ACOT7: variants seen among roughly 807,000 people sequenced by gnomAD.
The protein encoded by ACOT7 is acyl-CoA thioesterase 7.
Under a neutral mutation model 40.2 loss-of-function variants are expected in ACOT7, and 12 were observed. That is an observed-to-expected ratio of 0.30 (90% CI 0.19 to 0.48). ACOT7 has a LOEUF of 0.48. ACOT7 is among the 20% of genes least tolerant of loss of function. ACOT7 has a pLI of 0.99. For synonymous variants in ACOT7, 228 were observed against 219.5 expected, an observed-to-expected ratio of 1.04 and a Z score of -0.34; for missense variants, 395 against 530.8, an observed-to-expected ratio of 0.74 and a Z score of 2.51.
At chr1:6,365,395 T>G (rs184171334) in intron 1 of ACOT7, among the ~76,000 whole-genome samples, 70 of 152,244 alleles carry the variant, frequency 4.6e-4, no homozygotes, top group African/African-American at 1.3e-3. Flanking sequence ...GGTTTCCCAG[T>G]GCACGTAAAA....
At position 6,308,821 on chromosome 1, in the gene ACOT7, G is replaced by GACTGGGCGGAGGGAAAAGCA. The variant is rs1404956794; in HGVS notation, c.712+9670_712+9671insTGCTTTTCCCTCCGCCCAGT. The stretch of plus-strand genomic sequence containing the variant: ...AAAGCGACTGGGCGGAGGGAAAAGC[G>GACTGGGCGGAGGGAAAAGCA]ACTGGGCGGAGGGAACAGCGACCGG... On this transcript the variant is annotated intron_variant, in intron 6 of 8. Transcript: ENST00000361521. Among the ~76,000 whole-genome samples, 1,221 of 137,774 alleles carry GACTGGGCGGAGGGAAAAGCA rather than the reference G, an allele frequency of 8.9e-3. 17 individuals are homozygous for GACTGGGCGGAGGGAAAAGCA. Among genetic ancestry groups the GACTGGGCGGAGGGAAAAGCA allele is most frequent in the African/African-American group, 0.033 (1,146 of 34,508 alleles). The allele number at this position is 137,774 out of a possible 152,430, so 90.4% of individuals were successfully genotyped here.
rs1028345520 is a variant in ACOT7 at position 6,369,349 on chromosome 1, C to CCAGAT, written c.144-19488_144-19484dup. On this transcript the variant is annotated intron_variant, in intron 1 of 8. Transcript: ENST00000361521. ...ATGTAAATTTTTCAATTTACATTGC[C>CCAGAT]CAGATCAGAAGAACCACTATGGCAG... Among the ~76,000 whole-genome samples, 55 of 151,892 alleles carry CCAGAT rather than the reference C, an allele frequency of 3.6e-4. 1 individual carries two copies. Among genetic ancestry groups the CCAGAT allele is most frequent in the African/African-American group, 1.3e-3 (54 of 41,428 alleles).
Position 6,268,302 on chromosome 1 carries a change from A to C in ACOT7, c.1015-3607T>G, listed in dbSNP as rs559305395. On this transcript the variant is annotated intron_variant, in intron 8 of 8. Transcript: ENST00000361521. Reference sequence around the variant, plus strand: ...TGAGAGCTCTCTGTGGTGGGGGAGTAGTCAGGGCTGTCAACGCATAAGACT... The same window carrying C: ...TGAGAGCTCTCTGTGGTGGGGGAGTCGTCAGGGCTGTCAACGCATAAGACT... Among the ~76,000 whole-genome samples the C allele has an allele frequency of 2.6e-5, 4 of 152,318 alleles. No homozygotes were observed. In the East Asian group the frequency reaches 7.7e-4, roughly 29 times the overall value.
rs558948180 is a variant in ACOT7 at position 6,352,054 on chromosome 1, G to A, written c.144-2188C>T. On this transcript the variant is annotated intron_variant, in intron 1 of 8. Coordinates refer to ENST00000361521, the MANE Select transcript of ACOT7 (RefSeq NM_007274.4). This position sits in a 1 kb window ranked among gnomAD's most constrained non-coding sequence, Gnocchi z 4.5. ...ACCACGGGCCTGGCCGCCTTTCTTC[G>A]GCACCTTGGGTCCTGCACCAAGGAC... Among the ~76,000 whole-genome samples the A allele has an allele frequency of 5.3e-5, 8 of 152,204 alleles. No homozygotes were observed. The highest frequency in any genetic ancestry group is 2.1e-4 in the South Asian group (1 of 4,826).
chr1:6,332,073 G>A (rs994311687), intron 4 of ACOT7, among the ~76,000 whole-genome samples: 4 of 152,266 alleles, frequency 2.6e-5, no homozygotes, highest in Admixed American at 6.5e-5. Flanking sequence ...CAAGGCTGCC[G>A]GCAGCGGCAA....
rs371799089 is a variant in ACOT7, at chr1:6,308,563, A to G, written c.712+9929T>C. 4.0e-5 allele frequency among the ~76,000 whole-genome samples: 6 copies of G among 150,162 alleles called. 1 individual carries two copies. The highest frequency in any genetic ancestry group is 1.5e-4 in the African/African-American group (6 of 40,476). On this transcript the variant is annotated intron_variant, in intron 6 of 8. Transcript: ENST00000361521. ...AGAAGGAACAGCCACAGGCGGAGGG[A>G]ACAGCAACCAGAGGGAACTACAACT...
intron 7 of ACOT7, among the ~76,000 whole-genome samples, chr1:6,285,366 C>T (rs559848576): frequency 6.6e-6 from 1 of 152,232 alleles, no homozygotes; most frequent in African/African-American, 2.4e-5. Flanking sequence ...AACTTCAGTG[C>T]CACTCCTGGA....
At chr1:6,323,554 C>CA (rs1244086679) in intron 5 of ACOT7, among the ~76,000 whole-genome samples, 8 of 151,354 alleles carry the variant, frequency 5.3e-5, no homozygotes, top group Non-Finnish European at 7.4e-5. Context: ...CCTGTCTCTA[C>CA]AAAAAATACA....
chr1:6,320,342 G>T lies in ACOT7; in HGVS notation c.626-1764C>A, dbSNP rs1379641792. Among the ~76,000 whole-genome samples, 3 of 152,288 alleles carry T rather than the reference G, an allele frequency of 2.0e-5. No homozygotes were observed. In the East Asian group the frequency reaches 5.8e-4, roughly 29 times the overall value. On this transcript the variant is annotated intron_variant, in intron 5 of 8. Coordinates refer to ENST00000361521, the MANE Select transcript of ACOT7 (RefSeq NM_007274.4). Reference sequence around the variant, plus strand: ...TTGAAACTGCAGGTTCACAGATTAGGCACTGTGTCAGTCAAGATCATAGTC... The same window carrying T: ...TTGAAACTGCAGGTTCACAGATTAGTCACTGTGTCAGTCAAGATCATAGTC...
At chr1:6,305,944 C>T (rs1640138396) in intron 6 of ACOT7, among the ~76,000 whole-genome samples, 1 of 152,104 alleles carries the variant, frequency 6.6e-6, no homozygotes, top group Non-Finnish European at 1.5e-5. Context: ...CCCGGCACCT[C>T]GGGAGGCCGA....
rs1344456977 is a variant in ACOT7, at chr1:6,333,494, C to T, written c.493G>A (p.Glu165Lys). Residue 165 changes from glutamate (E) to lysine (K), a missense_variant, in exon 4 of 9, where the codon GAG becomes AAG. Around this residue, in one of 2 missense-constraint regions of ACOT7, gnomAD observed 309 missense variants for 470.3 expected, o/e 0.66. Transcript: ENST00000361521. ...LSLKNVDKVL[E>K]VPPVVYSRQE... Reference sequence around the variant, plus strand: ...CACCTTACCACAACAGGAGGCACCTCGAGGACCTTGTCCACATTCTTCAGC... The same window carrying T: ...CACCTTACCACAACAGGAGGCACCTTGAGGACCTTGTCCACATTCTTCAGC... The T allele has an allele frequency of 4.3e-6, 7 of 1,614,080 alleles. No homozygotes were observed. The highest frequency in any genetic ancestry group is 2.2e-5 in the East Asian group (1 of 44,892).
intron 1 of ACOT7, among the ~76,000 whole-genome samples, chr1:6,365,943 G>A (rs1642001250): frequency 6.6e-6 from 1 of 150,960 alleles, no homozygotes; most frequent in African/African-American, 2.4e-5. Context: ...AGCCCAGGCT[G>A]GAATGCAGTG....
In ACOT7 at chr1:6,333,341, G is replaced by A. The variant is rs540316536; in HGVS notation, c.510+136C>T. ...CCCAGAGGGGACACTGCCTGCTGGC[G>A]GACCTGGCCCCCTGTGCCCTAGCTC... On this transcript the variant is annotated intron_variant, in intron 4 of 8. Coordinates refer to ENST00000361521, the MANE Select transcript of ACOT7 (RefSeq NM_007274.4). 1.0e-3 allele frequency: 936 copies of A among 927,662 alleles called. 11 individuals are homozygous for A. The highest frequency in any genetic ancestry group is 6.1e-3 in the South Asian group (386 of 63,312). 57.5% of individuals were successfully genotyped at this position (927,662 alleles called of 1,614,324 possible). A position where few individuals can be genotyped will look rare whatever the true frequency, so the allele number is the denominator to read the frequency against.
At chr1:6,298,874 G>T (rs976881397) in intron 6 of ACOT7, among the ~76,000 whole-genome samples, 1 of 152,340 alleles carries the variant, frequency 6.6e-6, no homozygotes, top group South Asian at 2.1e-4. Context: ...AGGATCATCC[G>T]TGTGTCAATA....
intron 4 of ACOT7, among the ~76,000 whole-genome samples, chr1:6,332,248 G>C (rs1356155598): frequency 6.6e-6 from 1 of 152,222 alleles, no homozygotes; most frequent in African/African-American, 2.4e-5. Context: ...TCAGAATCCT[G>C]GTTCCTTCCC....
chr1:6,359,844 G>T lies in ACOT7; in HGVS notation c.144-9978C>A, dbSNP rs866788715. Among the ~76,000 whole-genome samples, 1 of 152,202 alleles carries T rather than the reference G, an allele frequency of 6.6e-6. No homozygotes were observed. The highest frequency in any genetic ancestry group is 1.5e-5 in the Non-Finnish European group (1 of 68,044). On this transcript the variant is annotated intron_variant, in intron 1 of 8. Transcript: ENST00000361521. This position sits in a 1 kb window ranked among gnomAD's most constrained non-coding sequence, Gnocchi z 4.1. ...GCACAGCCTCAACCAGGCTGCACCC[G>T]CCGGCCTCTGGGCAAGTTTCACATG...
At chr1:6,375,517 G>A (rs1642212116) in intron 1 of ACOT7, among the ~76,000 whole-genome samples, 1 of 151,912 alleles carries the variant, frequency 6.6e-6, no homozygotes, top group Non-Finnish European at 1.5e-5. Flanking sequence ...TGGGTGTGGT[G>A]GCACATGCCT....
At chr1:6,339,941 A>G (rs1273632718) in intron 2 of ACOT7, among the ~76,000 whole-genome samples, 32 of 137,948 alleles carry the variant, frequency 2.3e-4, no homozygotes, top group African/African-American at 8.6e-4. Flanking sequence ...CACCACGCCC[A>G]GCTAATTTTT....
rs1640577884 is a variant in ACOT7 at position 6,319,244 on chromosome 1, G to A, written c.626-666C>T. ...GCCTCGCTCTATTGCCCAGGCTGAA[G>A]TGCAGTGGCACAATCTCAGCTCACT... On this transcript the variant is annotated intron_variant, in intron 5 of 8. Coordinates refer to ENST00000361521, the MANE Select transcript of ACOT7 (RefSeq NM_007274.4). Among the ~76,000 whole-genome samples the A allele has an allele frequency of 2.0e-5, 3 of 152,296 alleles. No individual in the cohort carries two copies. The South Asian group carries it at 6.2e-4, about 32-fold the overall frequency.
Sources: allele counts gnomAD v4.1 joint callset (sites outside exome capture counted in the v4.1 genomes callset), GRCh38; gene constraint gnomAD v4.1.1; regional missense constraint gnomAD v4.1.1; non-coding constraint Gnocchi (gnomAD v3.1); transcripts MANE v1.5; gene names NCBI Gene and HGNC (gene_info 2026-07-23, HGNC 2026-07-21).